NRG3: variants seen among roughly 807,000 people sequenced by gnomAD.
NRG3 encodes pro-neuregulin-3, membrane-bound isoform.
A neutral mutation model predicts 66.9 loss-of-function variants in NRG3; 31 were observed. The ratio of observed to expected loss-of-function variants is 0.46; its 90% confidence interval spans 0.35 to 0.63. The LOEUF is 0.63. Among genes scored for constraint, NRG3 ranks in the 20% least tolerant of loss-of-function variants. The pLI is 0.00. For missense variants in NRG3, 910 were observed against 878.9 expected, an observed-to-expected ratio of 1.04 and a Z score of -0.45; for synonymous variants, 393 against 359.4, an observed-to-expected ratio of 1.09 and a Z score of -1.06.
chr10:81,994,193 A>C (rs965074901), intron 1 of NRG3, among the ~76,000 whole-genome samples: 4 of 152,126 alleles, frequency 2.6e-5, no homozygotes, highest in Non-Finnish European at 5.9e-5. Flanking sequence ...TAGTATCTTC[A>C]AATTGTCCAG....
At chr10:82,083,896 C>T (rs1348840559) in intron 1 of NRG3, among the ~76,000 whole-genome samples, 3 of 151,892 alleles carry the variant, frequency 2.0e-5, no homozygotes, top group Non-Finnish European at 4.4e-5. Context: ...GGATTACAGG[C>T]CTCAGCCACT....
At chr10:82,304,604 A>G (rs1464105717) in intron 1 of NRG3, among the ~76,000 whole-genome samples, 1 of 152,098 alleles carries the variant, frequency 6.6e-6, no homozygotes, top group African/African-American at 2.4e-5. Flanking sequence ...AGGTTATGCT[A>G]TTCCTAGCTC....
At chr10:82,411,734 G>C (rs1042627702) in intron 2 of NRG3, among the ~76,000 whole-genome samples, 12 of 152,058 alleles carry the variant, frequency 7.9e-5, no homozygotes, top group Non-Finnish European at 1.5e-4. Context: ...TCAGAAAAAG[G>C]CTATTATCTT....
intron 3 of NRG3, among the ~76,000 whole-genome samples, chr10:82,781,276 C>A (rs958755619): frequency 6.6e-6 from 1 of 152,140 alleles, no homozygotes; most frequent in African/African-American, 2.4e-5. Flanking sequence ...ATCCAGACTG[C>A]CTTTCAAGGG....
chr10:82,075,005 C>G (rs1449216090), intron 1 of NRG3, among the ~76,000 whole-genome samples: 2 of 152,196 alleles, frequency 1.3e-5, no homozygotes, highest in African/African-American at 4.8e-5. Flanking sequence ...CGGCATCATA[C>G]TTGGCGTAGA....
At chr10:82,536,144 T>A (rs1460947056) in intron 2 of NRG3, among the ~76,000 whole-genome samples, 2 of 152,176 alleles carry the variant, frequency 1.3e-5, no homozygotes, top group Admixed American at 1.3e-4. Context: ...TAATAATTGA[T>A]CAGCCTTTCT....
rs546652979 is a variant in NRG3, at chr10:82,560,657, G to A, written c.954-177920G>A. Among the ~76,000 whole-genome samples, 8 of 150,972 alleles carry A rather than the reference G, an allele frequency of 5.3e-5. No individual in the cohort carries two copies. The South Asian group carries it at 1.7e-3, about 32-fold the overall frequency. ...ATTAAAAATGTTAATCATATTTTAT[G>A]TAACTATAGTATTAATAGACACTTC... On this transcript the variant is annotated intron_variant, in intron 2 of 8. Transcript: ENST00000372141.
intron 2 of NRG3, among the ~76,000 whole-genome samples, chr10:82,710,903 G>A (rs531578247): frequency 1.3e-5 from 2 of 151,816 alleles, no homozygotes; most frequent in Admixed American, 6.6e-5. Flanking sequence ...TTTGAACTTC[G>A]GTGACTTTTG....
At chr10:82,442,325 G>T (rs893910676) in intron 2 of NRG3, among the ~76,000 whole-genome samples, 2 of 152,196 alleles carry the variant, frequency 1.3e-5, no homozygotes, top group Non-Finnish European at 2.9e-5. Context: ...AATCAGTCAT[G>T]CCAGTAAACA....
intron 1 of NRG3, among the ~76,000 whole-genome samples, chr10:82,348,922 C>T (rs1362134228): frequency 4.8e-5 from 7 of 147,142 alleles, no homozygotes; most frequent in African/African-American, 1.7e-4. Flanking sequence ...GCTCCATCAG[C>T]TCCTTTAAGC....
intron 1 of NRG3, among the ~76,000 whole-genome samples, chr10:82,222,839 C>T (rs576696380): frequency 4.0e-4 from 61 of 152,156 alleles, no homozygotes; most frequent in African/African-American, 7.5e-4. Flanking sequence ...TATGATTTTC[C>T]GTGGTAATTT....
chr10:82,850,204 G>A (rs2063496884), intron 3 of NRG3, among the ~76,000 whole-genome samples: 1 of 152,158 alleles, frequency 6.6e-6, no homozygotes, highest in Non-Finnish European at 1.5e-5. Flanking sequence ...CCTTAGAGGG[G>A]ACATTGAATA....
At position 82,770,398 on chromosome 10, in the gene NRG3, A is replaced by G. The variant is rs190869356; in HGVS notation, c.1027+31748A>G. 1.3e-3 allele frequency among the ~76,000 whole-genome samples: 192 copies of G among 152,250 alleles called. 3 individuals are homozygous for G. In the South Asian group the frequency reaches 0.015, roughly 12 times the overall value. On this transcript the variant is annotated intron_variant, in intron 3 of 8. Coordinates refer to ENST00000372141, the MANE Select transcript of NRG3 (RefSeq NM_001010848.4). ...CCAAAACCCTGTTGTGAACAAAGTC[A>G]CGTTCTTACTCACAGCTCTATTCTT...
At chr10:82,439,411 GTCTT>G (rs879759590) in intron 2 of NRG3, among the ~76,000 whole-genome samples, 6 of 152,042 alleles carry the variant, frequency 3.9e-5, no homozygotes, top group East Asian at 1.9e-4. Context: ...TATTAAATGT[GTCTT>G]TCTTTCTTCT....
At position 82,551,767 on chromosome 10, in the gene NRG3, T is replaced by A. The variant is rs551922214; in HGVS notation, c.954-186810T>A. Among the ~76,000 whole-genome samples the A allele has an allele frequency of 1.2e-4, 19 of 152,208 alleles. No homozygotes were observed. The South Asian group carries it at 3.9e-3, about 32-fold the overall frequency. On this transcript the variant is annotated intron_variant, in intron 2 of 8. Transcript: ENST00000372141. ...CCAAGTGCTTCGTCTCAAACCCACCTACCTCTCTGCCCTACAACCTAGCCT... is the reference window on the plus strand; with the variant it reads ...CCAAGTGCTTCGTCTCAAACCCACCAACCTCTCTGCCCTACAACCTAGCCT...
chr10:82,091,552 G>C (rs2066026510), intron 1 of NRG3, among the ~76,000 whole-genome samples: 1 of 152,056 alleles, frequency 6.6e-6, no homozygotes, highest in African/African-American at 2.4e-5. Context: ...CACTTTATCT[G>C]TTCATCTGCT....
chr10:82,460,402 A>G (rs1015785990), intron 2 of NRG3, among the ~76,000 whole-genome samples: 1 of 152,252 alleles, frequency 6.6e-6, no homozygotes. Context: ...TCTACAAAGC[A>G]TGTAGCACAG....
At chr10:82,274,746 G>T (rs375188591) in intron 1 of NRG3, among the ~76,000 whole-genome samples, 1 of 151,918 alleles carries the variant, frequency 6.6e-6, no homozygotes, top group African/African-American at 2.4e-5. Flanking sequence ...TTCTCAAGTG[G>T]ATTCATTTTG....
intron 3 of NRG3, among the ~76,000 whole-genome samples, chr10:82,770,814 T>C (rs1007038456): frequency 5.3e-5 from 8 of 151,986 alleles, no homozygotes; most frequent in South Asian, 2.1e-4. Context: ...GAACTCTATT[T>C]TGGGTGTCTT....
Sources: allele counts gnomAD v4.1 joint callset (sites outside exome capture counted in the v4.1 genomes callset), GRCh38; gene constraint gnomAD v4.1.1; transcripts MANE v1.5; gene names NCBI Gene and HGNC (gene_info 2026-07-23, HGNC 2026-07-21).